WDR49: variants seen among roughly 807,000 people sequenced by gnomAD.
WDR49 encodes cilia- and flagella-associated protein 337.
WDR49 carries 107 observed loss-of-function variants against 119.5 expected under a neutral mutation model. The observed-to-expected ratio is 0.90, with a 90% CI of 0.77 to 1.05. The LOEUF (loss-of-function observed/expected upper bound fraction) is 1.05. Ranked by LOEUF, WDR49 falls within the 50% of genes least tolerant of loss-of-function variation. WDR49 has a pLI of 0.00. For synonymous variants in WDR49, 425 were observed against 418.8 expected (o/e 1.01, Z -0.18); for missense variants, 1,240 against 1,220.5 (o/e 1.02, Z -0.24).
chr3:167,565,903 A>T (rs1407277111), intron 8 of WDR49, among the ~76,000 whole-genome samples: 1 of 152,166 alleles, frequency 6.6e-6, no homozygotes, highest in East Asian at 1.9e-4. Context: ...GCTTTATTTC[A>T]TGTATCTTTA....
chr3:167,511,660 C>T (rs923658352), intron 16 of WDR49, among the ~76,000 whole-genome samples: 4 of 152,202 alleles, frequency 2.6e-5, no homozygotes, highest in Middle Eastern at 3.4e-3. Context: ...TCTTGGTGAA[C>T]GCTTGGGTTG....
intron 7 of WDR49, among the ~76,000 whole-genome samples, chr3:167,582,705 T>C (rs1714601098): frequency 6.6e-6 from 1 of 152,104 alleles, no homozygotes; most frequent in African/African-American, 2.4e-5. Context: ...ACACCAGCAC[T>C]TTGGGAGGCC....
intron 7 of WDR49, among the ~76,000 whole-genome samples, chr3:167,598,362 G>C (rs1715596688): frequency 1.3e-5 from 2 of 151,982 alleles, no homozygotes; most frequent in Admixed American, 6.6e-5. Flanking sequence ...ATTTGGGAGG[G>C]GCCAGGGTGT....
chr3:167,573,431 ACACAAATAG>A (rs1560292563), intron 8 of WDR49, among the ~76,000 whole-genome samples: 229 of 128,730 alleles, frequency 1.8e-3, no homozygotes, highest in African/African-American at 6.9e-3. Context: ...CACACACACA[ACACAAATAG>A]ATAGATCTGT....
At chr3:167,633,683 C>T (rs1717480250) in intron 2 of WDR49, among the ~76,000 whole-genome samples, 1 of 152,002 alleles carries the variant, frequency 6.6e-6, no homozygotes, top group Non-Finnish European at 1.5e-5. Context: ...TACCATTGAG[C>T]TATCTTTAGG....
chr3:167,608,570 A>T (rs781412818), intron 5 of WDR49, among the ~76,000 whole-genome samples: 1 of 152,232 alleles, frequency 6.6e-6, no homozygotes, highest in Non-Finnish European at 1.5e-5. Flanking sequence ...TTTCTGATTA[A>T]ACTGTAGAAT....
chr3:167,568,030 A>G (rs1338189387), intron 8 of WDR49, among the ~76,000 whole-genome samples: 1 of 152,204 alleles, frequency 6.6e-6, no homozygotes, highest in Non-Finnish European at 1.5e-5. Context: ...GCACAAAATA[A>G]CAGAGTTGGT....
At chr3:167,487,096 G>C (rs1289052531) in intron 18 of WDR49, among the ~76,000 whole-genome samples, 1 of 152,000 alleles carries the variant, frequency 6.6e-6, no homozygotes, top group African/African-American at 2.4e-5. Flanking sequence ...AAAGAACAAA[G>C]CTAGAGGCAT....
At chr3:167,480,916 A>G (rs1347672367) in intron 18 of WDR49, among the ~76,000 whole-genome samples, 1 of 152,148 alleles carries the variant, frequency 6.6e-6, no homozygotes, top group Non-Finnish European at 1.5e-5. Flanking sequence ...CCTGGTTTGG[A>G]TCGGTGAAAT....
At chr3:167,515,768 CTGA>C (rs1752173843) in intron 16 of WDR49, among the ~76,000 whole-genome samples, 1 of 152,042 alleles carries the variant, frequency 6.6e-6, no homozygotes, top group African/African-American at 2.4e-5. Flanking sequence ...GCTTCTTAAG[CTGA>C]TAACTTCAGC....
intron 7 of WDR49, among the ~76,000 whole-genome samples, chr3:167,587,267 T>G (rs936065139): frequency 6.6e-6 from 1 of 152,092 alleles, no homozygotes; most frequent in Non-Finnish European, 1.5e-5. Context: ...AATTCAATAA[T>G]GGAAATGAAA....
intron 7 of WDR49, among the ~76,000 whole-genome samples, chr3:167,578,045 CT>C (rs1179257023): frequency 6.6e-6 from 1 of 152,096 alleles, no homozygotes; most frequent in Non-Finnish European, 1.5e-5. Context: ...CCAAAGAAAT[CT>C]TCTTCTACCT....
intron 7 of WDR49, among the ~76,000 whole-genome samples, chr3:167,592,186 A>T (rs1363461924): frequency 6.6e-6 from 1 of 152,206 alleles, no homozygotes; most frequent in Non-Finnish European, 1.5e-5. Flanking sequence ...AAGAAAACTA[A>T]TAAAGACCCT....
chr3:167,557,089 C>T (rs753308240), intron 9 of WDR49, among the ~76,000 whole-genome samples: 1 of 151,984 alleles, frequency 6.6e-6, no homozygotes, highest in Non-Finnish European at 1.5e-5. Context: ...CACAGCTACT[C>T]GGAAGGCTAA....
chr3:167,625,075 G>A (rs1397113696), intron 3 of WDR49, among the ~76,000 whole-genome samples: 1 of 152,006 alleles, frequency 6.6e-6, no homozygotes, highest in Non-Finnish European at 1.5e-5. Flanking sequence ...ATAGATTAGG[G>A]CATAGGAAGC....
chr3:167,521,506 T>C (rs534825429), intron 16 of WDR49, among the ~76,000 whole-genome samples: 4 of 152,312 alleles, frequency 2.6e-5, no homozygotes, highest in South Asian at 2.1e-4. Flanking sequence ...CTGTTTAACA[T>C]AGAATGTTAC....
chr3:167,522,018 A>ATAGATAGATAGATAGT (rs1402227303), intron 16 of WDR49, among the ~76,000 whole-genome samples: 2 of 103,424 alleles, frequency 1.9e-5, no homozygotes, highest in Non-Finnish European at 4.8e-5. Context: ...AGATAGATAG[A>ATAGATAGATAGATAGT]TTGTTTTTGA....
Position 167,501,317 on chromosome 3 carries a change from T to C in WDR49, c.2885-1018A>G, listed in dbSNP as rs192367175. ...CGTTAGTAATTTGTGTCTCAGTTCATATAACTGTTAAATAGCAGATCATGG... is the reference window on the plus strand; with the variant it reads ...CGTTAGTAATTTGTGTCTCAGTTCACATAACTGTTAAATAGCAGATCATGG... On this transcript the variant is annotated intron_variant, in intron 17 of 18. Coordinates refer to ENST00000682715, the MANE Select transcript of WDR49 (RefSeq NM_001366157.1). Among the ~76,000 whole-genome samples, 706 of 152,354 alleles carry C rather than the reference T, an allele frequency of 4.6e-3. 3 individuals carry two copies. The highest frequency in any genetic ancestry group is 7.6e-3 in the Non-Finnish European group (518 of 68,030).
intron 3 of WDR49, among the ~76,000 whole-genome samples, chr3:167,625,923 CAAAA>C (rs755478227): frequency 1.3e-5 from 1 of 77,168 alleles, no homozygotes. Context: ...CCAAAATTTG[CAAAA>C]AAAAAAAAAA....
Sources: gnomAD v4.1 joint callset for allele counts (sites outside exome capture counted in the v4.1 genomes callset) on GRCh38, gnomAD v4.1.1 for gene constraint, MANE v1.5 for transcripts, NCBI Gene and HGNC (gene_info 2026-07-23, HGNC 2026-07-21) for gene names.